Variants in BMPR1B observed in about 807,000 individuals in gnomAD.
BMPR1B encodes bone morphogenetic protein receptor type 1B.
A neutral mutation model predicts 59.1 loss-of-function variants in BMPR1B; 12 were observed. The observed-to-expected ratio is 0.20, with a 90% CI of 0.13 to 0.33. The LOEUF (loss-of-function observed/expected upper bound fraction) is 0.33. Among genes scored for constraint, BMPR1B ranks in the 10% least tolerant of loss-of-function variants. The pLI is 1.00. For synonymous variants in BMPR1B, 237 were observed against 207.3 expected (o/e 1.14, Z -1.23); for missense variants, 550 against 610.9 (o/e 0.90, Z 1.05).
At chr4:94,784,479 ATTATAT>A (rs1266436234) in intron 1 of BMPR1B, among the ~76,000 whole-genome samples, 2 of 152,234 alleles carry the variant, frequency 1.3e-5, no homozygotes, top group East Asian at 3.9e-4. Context: ...GTTTTTCAAA[ATTATAT>A]TTACATTTTC....
chr4:95,066,199 C>CT (rs1340967374), intron 3 of BMPR1B, among the ~76,000 whole-genome samples: 2 of 152,204 alleles, frequency 1.3e-5, no homozygotes, highest in Non-Finnish European at 2.9e-5. Flanking sequence ...TCAGAGGTGT[C>CT]TATTACTTTT....
chr4:94,763,347 G>A (rs941996748), intron 1 of BMPR1B, among the ~76,000 whole-genome samples: 1 of 152,208 alleles, frequency 6.6e-6, no homozygotes, highest in Non-Finnish European at 1.5e-5. Context: ...TTGTACTCCC[G>A]CCCCTTGCAA....
chr4:94,879,187 A>G (rs1447937095), intron 2 of BMPR1B, among the ~76,000 whole-genome samples: 1 of 152,206 alleles, frequency 6.6e-6, no homozygotes, highest in Non-Finnish European at 1.5e-5. Flanking sequence ...AGTAAATGGT[A>G]GAGCTGGTAT....
intron 1 of BMPR1B, among the ~76,000 whole-genome samples, chr4:94,782,948 T>G (rs912435262): frequency 2.0e-5 from 3 of 152,194 alleles, no homozygotes; most frequent in African/African-American, 7.2e-5. Flanking sequence ...CTCCTAATGC[T>G]TGTTTTTGTT....
At chr4:94,936,464 A>G (rs1729301767) in intron 2 of BMPR1B, among the ~76,000 whole-genome samples, 1 of 152,116 alleles carries the variant, frequency 6.6e-6, no homozygotes, top group African/African-American at 2.4e-5. Flanking sequence ...GTATGTTTGC[A>G]GCTTCTTTGC....
At position 95,148,941 on chromosome 4, in the gene BMPR1B, C is replaced by CT. The variant is rs766324640; in HGVS notation, c.1252+21dup. The CT allele has an allele frequency of 5.6e-6, 9 of 1,613,190 alleles. No homozygotes were observed. Among genetic ancestry groups the CT allele is most frequent in the Non-Finnish European group, 7.6e-6 (9 of 1,179,376 alleles). On this transcript the variant is annotated intron_variant, in intron 11 of 12. Coordinates refer to ENST00000515059, the MANE Select transcript of BMPR1B (RefSeq NM_001203.3). ...ATCAGGAGGTAAGAAACAGTGCTGT[C>CT]TTTGAAAAGCTACTATTGGAGCTAC...
chr4:95,135,001 C>G (rs1030785999), intron 10 of BMPR1B, among the ~76,000 whole-genome samples: 1 of 152,202 alleles, frequency 6.6e-6, no homozygotes, highest in South Asian at 2.1e-4. Context: ...TTAGGTCTCA[C>G]ATTTAAATCT....
intron 3 of BMPR1B, among the ~76,000 whole-genome samples, chr4:95,034,351 G>A (rs1725079883): frequency 6.6e-6 from 1 of 152,120 alleles, no homozygotes; most frequent in East Asian, 1.9e-4. Context: ...TTCTTTAGTG[G>A]TGATTTCTGA....
At chr4:95,143,914 C>G (rs904983347) in intron 10 of BMPR1B, among the ~76,000 whole-genome samples, 1 of 151,920 alleles carries the variant, frequency 6.6e-6, no homozygotes, top group South Asian at 2.1e-4. Flanking sequence ...TTCCAAAATA[C>G]GAACAGCTCA....
chr4:94,948,328 T>C (rs757308464), intron 2 of BMPR1B, among the ~76,000 whole-genome samples: 1 of 152,206 alleles, frequency 6.6e-6, no homozygotes, highest in Non-Finnish European at 1.5e-5. Flanking sequence ...CATGAAGAGA[T>C]ACCTGAAATG....
At chr4:94,859,031 T>A (rs11945430) in intron 1 of BMPR1B, among the ~76,000 whole-genome samples, 91,659 of 151,392 alleles carry the variant, frequency 0.61, 28,374 homozygotes, top group African/African-American at 0.74. Context: ...TATAATTGCC[T>A]TAATTATTTT....
intron 3 of BMPR1B, among the ~76,000 whole-genome samples, chr4:94,998,909 T>A (rs1722257182): frequency 6.6e-6 from 1 of 152,216 alleles, no homozygotes; most frequent in Non-Finnish European, 1.5e-5. Context: ...CTCTCCATTT[T>A]ATTTGCTGGC....
At chr4:95,064,600 A>C (rs922333491) in intron 3 of BMPR1B, among the ~76,000 whole-genome samples, 6 of 152,200 alleles carry the variant, frequency 3.9e-5, no homozygotes, top group African/African-American at 1.4e-4. Context: ...AAGACAGTCC[A>C]CATAATGGAA....
Position 94,808,429 on chromosome 4 carries a change from C to A in BMPR1B, c.-183+50361C>A, listed in dbSNP as rs538482997. Among the ~76,000 whole-genome samples, 3 of 152,210 alleles carry A rather than the reference C, an allele frequency of 2.0e-5. No homozygotes were observed. In the East Asian group the frequency reaches 5.8e-4, roughly 29 times the overall value. On this transcript the variant is annotated intron_variant, in intron 1 of 12. Coordinates refer to ENST00000515059, the MANE Select transcript of BMPR1B (RefSeq NM_001203.3). ...TTTAATGGCTACTGAATGTTAGATC[C>A]TGCTTAATACAGTAAATTACTCAGC...
chr4:94,915,220 C>G (rs530786119), intron 2 of BMPR1B, among the ~76,000 whole-genome samples: 3 of 152,206 alleles, frequency 2.0e-5, no homozygotes, highest in African/African-American at 7.2e-5. Flanking sequence ...GATCACTCAT[C>G]TTTCATTACC....
chr4:94,866,090 G>A (rs58494559), intron 1 of BMPR1B, among the ~76,000 whole-genome samples: 2,980 of 152,232 alleles, frequency 0.02, 114 homozygotes, highest in African/African-American at 0.067. Context: ...TAAATTCATA[G>A]TCCCTAGCTT....
chr4:95,009,063 A>G (rs575276883), intron 3 of BMPR1B, among the ~76,000 whole-genome samples: 236 of 151,554 alleles, frequency 1.6e-3, no homozygotes, highest in African/African-American at 5.3e-3. Context: ...TCTCTCTTAG[A>G]AAAAAAAAGA....
intron 3 of BMPR1B, among the ~76,000 whole-genome samples, chr4:95,079,708 A>G (rs1056018184): frequency 6.6e-6 from 1 of 151,872 alleles, no homozygotes; most frequent in Non-Finnish European, 1.5e-5. Context: ...TTGTCTCTCT[A>G]TATATACAAT....
At chr4:94,994,881 A>G (rs1721963870) in intron 2 of BMPR1B, among the ~76,000 whole-genome samples, 1 of 152,200 alleles carries the variant, frequency 6.6e-6, no homozygotes, top group African/African-American at 2.4e-5. Context: ...GTAATCAGGC[A>G]AGGTTTCTAG....
Sources: allele counts gnomAD v4.1 joint callset (sites outside exome capture counted in the v4.1 genomes callset), GRCh38; gene constraint gnomAD v4.1.1; transcripts MANE v1.5; gene names NCBI Gene and HGNC (gene_info 2026-07-23, HGNC 2026-07-21).